Variants in KATNIP observed in about 807,000 individuals in gnomAD.
The protein encoded by KATNIP is katanin-interacting protein.
In KATNIP, 126 loss-of-function variants were observed where a neutral mutation model predicts 174.0. The ratio of observed to expected loss-of-function variants is 0.72; its 90% CI spans 0.63 to 0.84. The LOEUF (loss-of-function observed/expected upper bound fraction) is 0.84, where lower values mean the gene tolerates loss of function less well. Ranked by LOEUF, KATNIP falls within the 40% of genes least tolerant of loss-of-function variation. The pLI is 0.00. For synonymous variants in KATNIP, 810 were observed against 835.7 expected, an observed-to-expected ratio of 0.97 and a Z score of 0.53; for missense variants, 1,958 against 2,109.7, an observed-to-expected ratio of 0.93 and a Z score of 1.41.
chr16:27,750,977 C>G (rs894360896), intron 16 of KATNIP, among the ~76,000 whole-genome samples: 5 of 152,192 alleles, frequency 3.3e-5, no homozygotes, highest in Admixed American at 3.3e-4. Context: ...ATCCACCCAC[C>G]TTGGCCTCCC....
rs1182449794 is a variant in KATNIP at position 27,740,573 on chromosome 16, C to G, written c.2276C>G (p.Pro759Arg). The G allele has an allele frequency of 6.2e-7, 1 of 1,614,062 alleles. No individual in the cohort carries two copies. The highest frequency in any genetic ancestry group is 1.3e-5 in the African/African-American group (1 of 74,918). Residue 759 changes from proline to arginine, a missense_variant, in exon 15 of 28, where the codon CCC becomes CGC. Around this residue, in one of 3 missense-constraint regions of KATNIP, gnomAD observed 1,557 missense variants for 1,617.8 expected, o/e 0.96. Coordinates refer to ENST00000261588, the MANE Select transcript of KATNIP (RefSeq NM_015202.5). The part of the protein sequence containing the change: ...GKTPSWLQPS[P>R]TGKDRKQGGR... ...ACCCCATCCTGGTTACAACCTTCTCCCACCGGCAAGGACAGGAAGCAGGGA... is the reference window on the plus strand; with the variant it reads ...ACCCCATCCTGGTTACAACCTTCTCGCACCGGCAAGGACAGGAAGCAGGGA...
intron 5 of KATNIP, among the ~76,000 whole-genome samples, chr16:27,645,042 G>A (rs905397429): frequency 6.6e-6 from 1 of 152,192 alleles, no homozygotes; most frequent in Non-Finnish European, 1.5e-5. Context: ...AGCCAGCCCT[G>A]GCCCTGCTTA....
chr16:27,771,705 T>C (rs2082311441), intron 22 of KATNIP, 53 bp downstream of exon 22: 1 of 1,579,678 alleles, frequency 6.3e-7, no homozygotes, highest in Non-Finnish European at 8.7e-7. Context: ...AGGCAGCGCC[T>C]GGGCCGCAAC....
At chr16:27,725,241 C>T (rs2080396985) in intron 14 of KATNIP, among the ~76,000 whole-genome samples, 1 of 152,162 alleles carries the variant, frequency 6.6e-6, no homozygotes, top group Admixed American at 6.5e-5. Context: ...CTCAATTAAC[C>T]CCCAGTGATC....
intron 2 of KATNIP, among the ~76,000 whole-genome samples, chr16:27,589,563 A>T (rs989261664): frequency 6.6e-6 from 1 of 152,180 alleles, no homozygotes; most frequent in Non-Finnish European, 1.5e-5. Context: ...TCATGAGAAA[A>T]TCTGAATTTA....
At chr16:27,579,916 T>G (rs536536102) in intron 2 of KATNIP, among the ~76,000 whole-genome samples, 1 of 151,814 alleles carries the variant, frequency 6.6e-6, no homozygotes, top group Admixed American at 6.6e-5. Flanking sequence ...GGTACAAGGC[T>G]AGAGGCTTCC....
At chr16:27,705,025 C>G (rs2079247047) in intron 12 of KATNIP, among the ~76,000 whole-genome samples, 1 of 151,736 alleles carries the variant, frequency 6.6e-6, no homozygotes. Context: ...ATTCTCCTGC[C>G]TCAGCCGACT....
chr16:27,656,552 A>G lies in KATNIP; in HGVS notation c.540+7817A>G, dbSNP rs564622605. ...TTGGAACCAACCCAAATGTCCAACA[A>G]CGATAGACTGGATTAAGAAAATGTG... is the stretch of plus-strand genomic sequence containing the variant. On this transcript the variant is annotated intron_variant, in intron 6 of 27. Transcript: ENST00000261588. Among the ~76,000 whole-genome samples, 3 of 151,988 alleles carry G rather than the reference A, an allele frequency of 2.0e-5. No individual in the cohort carries two copies. In the South Asian group the frequency reaches 6.3e-4, roughly 32 times the overall value.
intron 14 of KATNIP, among the ~76,000 whole-genome samples, chr16:27,733,074 C>T (rs2080755991): frequency 6.6e-6 from 1 of 152,210 alleles, no homozygotes; most frequent in African/African-American, 2.4e-5. Flanking sequence ...GCCAGTGCTT[C>T]ATTCCAGATG....
At chr16:27,744,320 G>GT (rs1350867202) in intron 15 of KATNIP, among the ~76,000 whole-genome samples, 2 of 151,802 alleles carry the variant, frequency 1.3e-5, no homozygotes, top group African/African-American at 4.8e-5. Flanking sequence ...GAGGCCAGGA[G>GT]TTCAAGACCA....
At chr16:27,725,730 T>C (rs1387022330) in intron 14 of KATNIP, among the ~76,000 whole-genome samples, 1 of 152,154 alleles carries the variant, frequency 6.6e-6, no homozygotes, top group African/African-American at 2.4e-5. Flanking sequence ...TTTGCCTTTA[T>C]AATAGTCATG....
chr16:27,673,221 G>A (rs541187001), intron 6 of KATNIP, among the ~76,000 whole-genome samples: 498 of 152,334 alleles, frequency 3.3e-3, no homozygotes, highest in Non-Finnish European at 5.6e-3. Context: ...GTCTTACAGG[G>A]TTTTTCTGAG....
At chr16:27,716,351 GT>G (rs1346288584) in intron 13 of KATNIP, among the ~76,000 whole-genome samples, 3 of 152,164 alleles carry the variant, frequency 2.0e-5, no homozygotes, top group Non-Finnish European at 2.9e-5. Flanking sequence ...CTTTTGGAGG[GT>G]GGTGAAAATG....
intron 11 of KATNIP, among the ~76,000 whole-genome samples, chr16:27,703,072 AAGG>A (rs1466139884): frequency 1.3e-5 from 2 of 152,116 alleles, no homozygotes; most frequent in Non-Finnish European, 2.9e-5. Context: ...GAAGCTGAGG[AAGG>A]AGAATTGCTT....
At position 27,608,399 on chromosome 16, in the gene KATNIP, CT is replaced by C. The variant is rs11374534; in HGVS notation, c.64-10006del. The stretch of plus-strand genomic sequence containing the variant: ...GTGCACGCCACCATGACTGGTGAAT[CT>C]TTTTTTTTTTTTTTTTTTTGTATTT... On this transcript the variant is annotated intron_variant, in intron 2 of 27. Coordinates refer to ENST00000261588, the MANE Select transcript of KATNIP (RefSeq NM_015202.5). Among the ~76,000 whole-genome samples, 607 of 97,546 alleles carry C rather than the reference CT, an allele frequency of 6.2e-3. 4 individuals are homozygous for C. Among genetic ancestry groups the C allele is most frequent in the African/African-American group, 0.023 (553 of 24,200 alleles). The allele number at this position is 97,546 out of a possible 152,430, so 64.0% of individuals were successfully genotyped here.
At chr16:27,592,621 C>A (rs184678198) in intron 2 of KATNIP, among the ~76,000 whole-genome samples, 1,799 of 151,110 alleles carry the variant, frequency 0.012, 48 homozygotes, top group African/African-American at 0.041. Flanking sequence ...CTGTCTCAAA[C>A]ACACACACAC....
chr16:27,721,053 A>G (rs1309142743), intron 13 of KATNIP, among the ~76,000 whole-genome samples: 2 of 152,172 alleles, frequency 1.3e-5, no homozygotes, highest in African/African-American at 4.8e-5. Context: ...AAGGAACAGA[A>G]TAAATCCCAG....
At position 27,773,094 on chromosome 16, in the gene KATNIP, C is replaced by T. The variant is rs750842120; in HGVS notation, c.4199-5C>T. The T allele has an allele frequency of 2.5e-6, 4 of 1,570,064 alleles. No individual in the cohort carries two copies. The East Asian group carries it at 9.0e-5, about 35-fold the overall frequency. On this transcript the variant is annotated splice_region_variant and splice_polypyrimidine_tract_variant and intron_variant, in intron 22 of 27. Coordinates refer to ENST00000261588, the MANE Select transcript of KATNIP (RefSeq NM_015202.5). ...AGCCTTCTTTTCCTTAATAAAGTGT[C>T]CCAGTCATTTTCCAGTTTCAGCTTC...
chr16:27,648,285 C>T (rs2077018092), intron 5 of KATNIP, among the ~76,000 whole-genome samples: 1 of 150,428 alleles, frequency 6.6e-6, no homozygotes, highest in Non-Finnish European at 1.5e-5. Flanking sequence ...AGAGTGAGAT[C>T]CTGACTCAAA....
Sources: gnomAD v4.1 joint callset for allele counts (sites outside exome capture counted in the v4.1 genomes callset) on GRCh38, gnomAD v4.1.1 for gene constraint, gnomAD v4.1.1 regional missense constraint, MANE v1.5 for transcripts, NCBI Gene and HGNC (gene_info 2026-07-23, HGNC 2026-07-21) for gene names.